NALF1: variants seen among roughly 807,000 people sequenced by gnomAD.
The protein encoded by NALF1 is NALCN channel auxiliary factor 1.
In NALF1, 3 loss-of-function variants were observed where a neutral mutation model predicts 48.4. The ratio of observed to expected loss-of-function variants is 0.06; its 90% CI spans 0.03 to 0.16. The LOEUF is 0.16. NALF1 is among the 10% of genes least tolerant of loss of function. NALF1 has a pLI of 1.00. For missense variants in NALF1, 526 were observed against 571.5 expected (o/e 0.92, Z 0.81); for synonymous variants, 262 against 245.7 (o/e 1.07, Z -0.62).
chr13:107,302,238 G>A (rs1037037418), intron 1 of NALF1, among the ~76,000 whole-genome samples: 3 of 152,174 alleles, frequency 2.0e-5, no homozygotes, highest in Non-Finnish European at 2.9e-5. Context: ...CCCACCAGAC[G>A]CAGTCCCTGA....
chr13:107,706,573 G>T (rs1179407855), intron 1 of NALF1, among the ~76,000 whole-genome samples: 1 of 152,028 alleles, frequency 6.6e-6, no homozygotes, highest in East Asian at 1.9e-4. Flanking sequence ...GGCATTAAAT[G>T]CAGTCTATTT....
intron 1 of NALF1, among the ~76,000 whole-genome samples, chr13:107,361,327 A>G (rs1883056958): frequency 6.6e-6 from 1 of 152,188 alleles, no homozygotes; most frequent in South Asian, 2.1e-4. Flanking sequence ...TGAACAAGAA[A>G]CTTGACTGGC....
intron 1 of NALF1, among the ~76,000 whole-genome samples, chr13:107,288,848 AT>A (rs201693786): frequency 0.015 from 2,281 of 152,194 alleles, 62 homozygotes; most frequent in African/African-American, 0.052. Flanking sequence ...AACATTTTTT[AT>A]GTTGGATAGA....
At chr13:107,432,276 GCC>G (rs1470320548) in intron 1 of NALF1, among the ~76,000 whole-genome samples, 1 of 152,086 alleles carries the variant, frequency 6.6e-6, no homozygotes, top group East Asian at 1.9e-4. Flanking sequence ...GGAGGGATCT[GCC>G]CCATGATCCA....
At chr13:107,851,844 T>G (rs1207252287) in intron 1 of NALF1, among the ~76,000 whole-genome samples, 1 of 127,732 alleles carries the variant, frequency 7.8e-6, no homozygotes, top group Admixed American at 9.0e-5. Flanking sequence ...ATTCTTGCTC[T>G]GTCATGCAGG....
chr13:107,468,299 A>T (rs1202041746), intron 1 of NALF1, among the ~76,000 whole-genome samples: 1 of 152,216 alleles, frequency 6.6e-6, no homozygotes, highest in Non-Finnish European at 1.5e-5. Context: ...ACTATGCCAA[A>T]AAGTTTGATT....
chr13:107,498,589 A>C (rs920026297), intron 1 of NALF1, among the ~76,000 whole-genome samples: 3 of 152,168 alleles, frequency 2.0e-5, no homozygotes, highest in Admixed American at 6.6e-5. Flanking sequence ...GGTGGAAAGA[A>C]GACAGGGGGA....
At chr13:107,513,022 C>T (rs1282072871) in intron 1 of NALF1, among the ~76,000 whole-genome samples, 1 of 152,154 alleles carries the variant, frequency 6.6e-6, no homozygotes, top group East Asian at 1.9e-4. Flanking sequence ...GACATCAAAA[C>T]AGCACCACTT....
At chr13:107,224,961 C>T (rs1474720396) in intron 1 of NALF1, among the ~76,000 whole-genome samples, 1 of 152,032 alleles carries the variant, frequency 6.6e-6, no homozygotes, top group Non-Finnish European at 1.5e-5. Flanking sequence ...AATTTCATAC[C>T]TAAGTGGGAA....
intron 2 of NALF1, among the ~76,000 whole-genome samples, chr13:107,175,946 A>AT (rs1427059761): frequency 6.6e-6 from 1 of 151,994 alleles, no homozygotes; most frequent in Non-Finnish European, 1.5e-5. Context: ...CCAGCTTCAG[A>AT]TTTTTTTCCC....
intron 2 of NALF1, among the ~76,000 whole-genome samples, chr13:107,182,736 A>T (rs2138776449): frequency 6.6e-6 from 1 of 152,368 alleles, no homozygotes; most frequent in East Asian, 1.9e-4. Context: ...ACTTTCTTCA[A>T]CAAATCCCTC....
intron 1 of NALF1, among the ~76,000 whole-genome samples, chr13:107,785,219 C>T (rs1189834612): frequency 6.6e-6 from 1 of 151,794 alleles, no homozygotes; most frequent in East Asian, 1.9e-4. Flanking sequence ...CTCCTCTACC[C>T]AGTACACTTT....
intron 1 of NALF1, among the ~76,000 whole-genome samples, chr13:107,691,096 A>G (rs544791597): frequency 1.6e-4 from 24 of 152,250 alleles, no homozygotes; most frequent in African/African-American, 4.6e-4. Flanking sequence ...AACCAATATC[A>G]CTTATAAAAG....
chr13:107,467,187 A>C (rs1394024498), intron 1 of NALF1, among the ~76,000 whole-genome samples: 1 of 152,128 alleles, frequency 6.6e-6, no homozygotes, highest in African/African-American at 2.4e-5. Context: ...TAGTCTTTTG[A>C]ATTTTGAGAG....
intron 1 of NALF1, among the ~76,000 whole-genome samples, chr13:107,259,778 T>C (rs986597770): frequency 1.3e-5 from 2 of 152,198 alleles, no homozygotes; most frequent in Non-Finnish European, 2.9e-5. Flanking sequence ...CTATGAGTAG[T>C]AGATAGTCCA....
At chr13:107,197,908 T>C (rs924104479) in intron 2 of NALF1, among the ~76,000 whole-genome samples, 1 of 152,158 alleles carries the variant, frequency 6.6e-6, no homozygotes, top group African/African-American at 2.4e-5. Flanking sequence ...CTGGTAAGGA[T>C]TAAGGCTGAG....
At chr13:107,313,789 C>A (rs750457741) in intron 1 of NALF1, among the ~76,000 whole-genome samples, 1 of 152,110 alleles carries the variant, frequency 6.6e-6, no homozygotes, top group South Asian at 2.1e-4. Flanking sequence ...AAGAATGCAA[C>A]CTTTTGTCTA....
intron 1 of NALF1, among the ~76,000 whole-genome samples, chr13:107,351,238 C>T (rs1882866196): frequency 8.9e-6 from 1 of 112,338 alleles, no homozygotes; most frequent in Non-Finnish European, 2.0e-5. Context: ...GTAGATCTCG[C>T]GTTAAGTGTT....
chr13:107,768,910 A>G (rs1488034631), intron 1 of NALF1, among the ~76,000 whole-genome samples: 1 of 152,200 alleles, frequency 6.6e-6, no homozygotes, highest in African/African-American at 2.4e-5. Context: ...AAAAGAAGAC[A>G]TCTATGCAGC....
Sources: gnomAD v4.1 joint callset for allele counts (sites outside exome capture counted in the v4.1 genomes callset) on GRCh38, gnomAD v4.1.1 for gene constraint, MANE v1.5 for transcripts, NCBI Gene and HGNC (gene_info 2026-07-23, HGNC 2026-07-21) for gene names.